The following C1QTNF1 variants were observed in gnomAD, a reference collection of about 807,000 sequenced individuals.
C1QTNF1 encodes the protein complement C1q tumor necrosis factor-related protein 1.
In C1QTNF1, 22 loss-of-function variants were observed where a neutral mutation model predicts 27.8. The ratio of observed to expected loss-of-function variants is 0.79; its 90% CI spans 0.56 to 1.13. The LOEUF is 1.13. Ranked by LOEUF, C1QTNF1 falls within the 50% of genes most tolerant of loss-of-function variation. C1QTNF1 has a pLI of 0.00. For synonymous variants in C1QTNF1, 166 were observed against 154.3 expected, an observed-to-expected ratio of 1.08 and a Z score of -0.56; for missense variants, 373 against 380.2, an observed-to-expected ratio of 0.98 and a Z score of 0.16.
At chr17:79,044,446 C>G (rs2072513089) in intron 2 of C1QTNF1, among the ~76,000 whole-genome samples, 1 of 152,196 alleles carries the variant, frequency 6.6e-6, no homozygotes, top group African/African-American at 2.4e-5. Context: ...TCTTTCCATT[C>G]TCACTTTGTC....
chr17:79,030,356 T>G (rs916807550), intron 1 of C1QTNF1, among the ~76,000 whole-genome samples: 2 of 152,112 alleles, frequency 1.3e-5, no homozygotes, highest in Non-Finnish European at 2.9e-5. Flanking sequence ...TATGTGTATG[T>G]GTGTGCCTGT....
intron 1 of C1QTNF1, among the ~76,000 whole-genome samples, chr17:79,028,032 C>T (rs140844480): frequency 2.6e-5 from 4 of 152,348 alleles, no homozygotes; most frequent in Admixed American, 6.5e-5. Flanking sequence ...CTGTCCAGGA[C>T]GGCCGTCGGG....
chr17:79,038,742 T>G (rs7226159), intron 1 of C1QTNF1, among the ~76,000 whole-genome samples: 5 of 152,028 alleles, frequency 3.3e-5, no homozygotes, highest in Admixed American at 3.3e-4. Context: ...ACAGCCTCCC[T>G]ACTGTAGGGG....
chr17:79,030,921 T>C (rs946650743), intron 1 of C1QTNF1, among the ~76,000 whole-genome samples: 1 of 150,754 alleles, frequency 6.6e-6, no homozygotes, highest in African/African-American at 2.4e-5. Flanking sequence ...TCCATGTCAG[T>C]AAATATTCAC....
intron 1 of C1QTNF1, among the ~76,000 whole-genome samples, chr17:79,029,826 G>A (rs1363520955): frequency 1.3e-5 from 2 of 152,160 alleles, no homozygotes; most frequent in Non-Finnish European, 2.9e-5. Flanking sequence ...CACCTGTGCT[G>A]TTCCTGGTCC....
chr17:79,030,661 G>A (rs56358270), intron 1 of C1QTNF1, among the ~76,000 whole-genome samples: 10,982 of 149,810 alleles, frequency 0.073, 508 homozygotes, highest in Middle Eastern at 0.13. Flanking sequence ...GGGCAGTGGC[G>A]TGATCTCAGC....
upstream of C1QTNF1, among the ~76,000 whole-genome samples, chr17:79,023,255 A>G (rs1488054088): frequency 1.3e-5 from 2 of 152,216 alleles, no homozygotes; most frequent in African/African-American, 4.8e-5. Context: ...AGGGGGGAAA[A>G]AAGAAGCAAA....
At position 79,049,320 on chromosome 17, in the gene C1QTNF1, T is replaced by A. The variant is rs1003090059; in HGVS notation, c.*1232T>A. Reference sequence around the variant, plus strand: ...GACCAGAGTCAAGAGGAAGTACACGTCCCAATCACCCGTGTCAGGATTCAC... The same window carrying A: ...GACCAGAGTCAAGAGGAAGTACACGACCCAATCACCCGTGTCAGGATTCAC... On this transcript the variant is annotated 3_prime_UTR_variant, in exon 4 of 4. Coordinates refer to ENST00000579760, the MANE Select transcript of C1QTNF1 (RefSeq NM_030968.5). The surrounding 1 kb of genome is among the most constrained non-coding windows in gnomAD (Gnocchi z 4.4). 2 of 152,186 alleles carry A rather than the reference T, an allele frequency of 1.3e-5. No homozygotes were observed. Among genetic ancestry groups the A allele is most frequent in the Non-Finnish European group, 2.9e-5 (2 of 68,092 alleles). The allele number at this position is 152,186 out of a possible 1,614,324, so 9.4% of individuals were successfully genotyped here.
intron 1 of C1QTNF1, among the ~76,000 whole-genome samples, chr17:79,030,413 A>G (rs1875222525): frequency 6.9e-6 from 1 of 144,672 alleles, no homozygotes; most frequent in Non-Finnish European, 1.5e-5. Context: ...CATTTTCAAA[A>G]CTCATTACTG....
rs2072681815 is a variant in C1QTNF1 at position 79,049,052 on chromosome 17, A to G, written c.*964A>G. 1 of 152,032 alleles carries G rather than the reference A, an allele frequency of 6.6e-6. No homozygotes were observed. Among genetic ancestry groups the G allele is most frequent in the Admixed American group, 6.5e-5 (1 of 15,276 alleles). 9.4% of individuals were successfully genotyped at this position (152,032 alleles called of 1,614,324 possible). A position where few individuals can be genotyped will look rare whatever the true frequency, so the allele number is the denominator to read the frequency against. Reference sequence around the variant, plus strand: ...GGCCTTGGCTTCTGTTTTTTATAAAACACCTCAAGCAGCACTGCAGTCTCC... The same window carrying G: ...GGCCTTGGCTTCTGTTTTTTATAAAGCACCTCAAGCAGCACTGCAGTCTCC... On this transcript the variant is annotated 3_prime_UTR_variant, in exon 4 of 4. Coordinates refer to ENST00000579760, the MANE Select transcript of C1QTNF1 (RefSeq NM_030968.5). The surrounding 1 kb of genome is among the most constrained non-coding windows in gnomAD (Gnocchi z 4.4).
intron 1 of C1QTNF1, among the ~76,000 whole-genome samples, chr17:79,031,008 CTTTTTTT>C (rs11335486): frequency 6.5e-5 from 9 of 137,970 alleles, no homozygotes; most frequent in Non-Finnish European, 1.1e-4. Context: ...CTTTTCTTTT[CTTTTTTT>C]TTTTTTTTGA....
intron 1 of C1QTNF1, among the ~76,000 whole-genome samples, chr17:79,042,665 G>A (rs80038662): frequency 0.012 from 1,844 of 152,314 alleles, 48 homozygotes; most frequent in African/African-American, 0.041. Context: ...AGCTTGCTTG[G>A]GATTTTTCTT....
intron 1 of C1QTNF1, among the ~76,000 whole-genome samples, chr17:79,030,489 CTTTCTT>C (rs1882807377): frequency 1.6e-5 from 1 of 62,208 alleles, no homozygotes; most frequent in Non-Finnish European, 3.3e-5. Flanking sequence ...CTTTCTTTTT[CTTTCTT>C]TCTTTCTTTC....
rs72853332 is a variant in C1QTNF1 at position 79,047,920 on chromosome 17, C to T, written c.678C>T (p.Gly226=). The change falls in exon 4 of 4, where the codon GGC becomes GGT. Residue 226 remains glycine, a synonymous_variant. Transcript: ENST00000579760. ...EEVVILFAQV[G]DRSIMQSQSL... is the part of the protein sequence containing the mutation. ...TGGTGATCTTGTTCGCGCAGGTGGG[C>T]GACCGCAGCATCATGCAAAGCCAGA... The T allele has an allele frequency of 2.5e-5, 40 of 1,613,996 alleles. No homozygotes were observed. The highest frequency in any genetic ancestry group is 5.0e-5 in the Admixed American group (3 of 60,028).
chr17:79,025,823 G>A, intron 1 of C1QTNF1: 1 of 315,426 alleles, frequency 3.2e-6, no homozygotes. Context: ...CTCCCTCTTA[G>A]AGCTGCAGAG....
At chr17:79,039,663 A>G (rs1309880554) in intron 1 of C1QTNF1, among the ~76,000 whole-genome samples, 1 of 151,332 alleles carries the variant, frequency 6.6e-6, no homozygotes, top group Non-Finnish European at 1.5e-5. Flanking sequence ...AAAATAAAAT[A>G]AAACAAAAAA....
At position 79,033,932 on chromosome 17, in the gene C1QTNF1, T is replaced by C. The variant is rs947495226; in HGVS notation, c.-15+9438T>C. 3.3e-5 allele frequency among the ~76,000 whole-genome samples: 5 copies of C among 152,066 alleles called. No individual in the cohort carries two copies. The East Asian group carries it at 9.7e-4, about 29-fold the overall frequency. ...TGTTGGGTGCCACGAGGGTCGTGGGTGATCGTAGCCAAGCAGTCGGGGCGG... is the reference window on the plus strand; with the variant it reads ...TGTTGGGTGCCACGAGGGTCGTGGGCGATCGTAGCCAAGCAGTCGGGGCGG... On this transcript the variant is annotated intron_variant, in intron 1 of 3. Coordinates refer to ENST00000579760, the MANE Select transcript of C1QTNF1 (RefSeq NM_030968.5).
chr17:79,043,565 T>C, intron 1 of C1QTNF1: 1 of 434,314 alleles, frequency 2.3e-6, no homozygotes, highest in South Asian at 1.7e-5. Context: ...ATGTGTATTG[T>C]GTGTACATGT....
Position 79,048,303 on chromosome 17 carries a change from G to A in C1QTNF1, c.*215G>A, listed in dbSNP as rs73408671. The A allele has an allele frequency of 0.021, 12,194 of 571,118 alleles. 1,069 individuals are homozygous for A. Among genetic ancestry groups the A allele is most frequent in the African/African-American group, 0.19 (10,418 of 53,572 alleles). The allele number at this position is 571,118 out of a possible 1,614,324, so 35.4% of individuals were successfully genotyped here. Reference sequence around the variant, plus strand: ...GAAATCACCAGGGCGGGGCACCCGCGAGAACCCTCTGGGACCTTCCGCGGC... The same window carrying A: ...GAAATCACCAGGGCGGGGCACCCGCAAGAACCCTCTGGGACCTTCCGCGGC... On this transcript the variant is annotated 3_prime_UTR_variant, in exon 4 of 4. Transcript: ENST00000579760.
Sources: allele counts gnomAD v4.1 joint callset (sites outside exome capture counted in the v4.1 genomes callset), GRCh38; gene constraint gnomAD v4.1.1; non-coding constraint Gnocchi (gnomAD v3.1); transcripts MANE v1.5; gene names NCBI Gene and HGNC (gene_info 2026-07-23, HGNC 2026-07-21).